The following FHIT variants were observed in gnomAD, a reference collection of about 807,000 sequenced individuals.
FHIT encodes the protein bis(5'-adenosyl)-triphosphatase.
In FHIT, 19 loss-of-function variants were observed where a neutral mutation model predicts 17.9. The ratio of observed to expected loss-of-function variants is 1.06; its 90% confidence interval spans 0.74 to 1.56. FHIT has a LOEUF of 1.56. Ranked by LOEUF, FHIT falls within the 40% of genes most tolerant of loss-of-function variation. The pLI is 0.00. For missense variants in FHIT, 248 were observed against 189.2 expected (o/e 1.31, Z -1.82); for synonymous variants, 81 against 69.7 (o/e 1.16, Z -0.81).
chr3:60,986,566 A>G (rs1455035981), intron 3 of FHIT, among the ~76,000 whole-genome samples: 1 of 152,162 alleles, frequency 6.6e-6, no homozygotes, highest in Non-Finnish European at 1.5e-5. Flanking sequence ...CTTTCTACCT[A>G]ATTATGCTCC....
intron 5 of FHIT, among the ~76,000 whole-genome samples, chr3:60,086,373 G>C (rs1358780169): frequency 1.3e-5 from 2 of 152,108 alleles, no homozygotes; most frequent in African/African-American, 2.4e-5. Context: ...TCCACTCCTG[G>C]ATTCCCAAAA....
chr3:60,502,260 T>C (rs1408232764), intron 5 of FHIT, among the ~76,000 whole-genome samples: 1 of 152,068 alleles, frequency 6.6e-6, no homozygotes, highest in Admixed American at 6.6e-5. Flanking sequence ...CTGGGAAAGA[T>C]TACTAAGGCT....
chr3:60,016,642 T>C (rs1035871010), intron 5 of FHIT, among the ~76,000 whole-genome samples: 1 of 152,220 alleles, frequency 6.6e-6, no homozygotes, highest in African/African-American at 2.4e-5. Context: ...ATGAATGCTA[T>C]TGGTAGAAAT....
intron 5 of FHIT, among the ~76,000 whole-genome samples, chr3:60,015,840 T>A (rs1278890752): frequency 6.7e-6 from 1 of 149,428 alleles, no homozygotes; most frequent in African/African-American, 2.5e-5. Context: ...ATCAATGACA[T>A]CCAAAAATGT....
intron 3 of FHIT, among the ~76,000 whole-genome samples, chr3:61,024,014 T>C (rs2032600027): frequency 6.6e-6 from 1 of 152,114 alleles, no homozygotes; most frequent in African/African-American, 2.4e-5. Context: ...CTAATTAAAT[T>C]ATTCATACTA....
intron 4 of FHIT, among the ~76,000 whole-genome samples, chr3:60,656,030 A>T (rs17063746): frequency 6.6e-6 from 1 of 152,052 alleles, no homozygotes; most frequent in Non-Finnish European, 1.5e-5. Context: ...TCTGAGTTCA[A>T]TTACAATCCC....
Position 61,111,544 on chromosome 3 carries a change from A to G in FHIT, c.-163-69445T>C, listed in dbSNP as rs1177447592. On this transcript the variant is annotated intron_variant, in intron 2 of 9. Coordinates refer to ENST00000492590, the MANE Select transcript of FHIT (RefSeq NM_002012.4). ...CACGTGCATTTGCTGCGTGGAGGAA[A>G]GAATATATGGACAAATAAAAAAACA... Among the ~76,000 whole-genome samples, 5 of 152,224 alleles carry G rather than the reference A, an allele frequency of 3.3e-5. No individual in the cohort carries two copies. In the East Asian group the frequency reaches 9.6e-4, roughly 29 times the overall value.
intron 5 of FHIT, among the ~76,000 whole-genome samples, chr3:60,197,929 C>G (rs574043192): frequency 3.9e-5 from 6 of 152,258 alleles, no homozygotes; most frequent in African/African-American, 1.4e-4. Flanking sequence ...GAGGAAGATT[C>G]TTACTGCAGG....
At chr3:60,855,695 G>C (rs1416204394) in intron 3 of FHIT, among the ~76,000 whole-genome samples, 2 of 152,114 alleles carry the variant, frequency 1.3e-5, no homozygotes, top group African/African-American at 4.8e-5. Flanking sequence ...TATGGGCCAA[G>C]AGTATATTCA....
intron 4 of FHIT, among the ~76,000 whole-genome samples, chr3:60,759,271 G>T (rs1457273330): frequency 6.6e-6 from 1 of 152,160 alleles, no homozygotes; most frequent in Non-Finnish European, 1.5e-5. Flanking sequence ...AGGTGGCAAG[G>T]ATAGAAATAG....
At chr3:61,066,936 C>T (rs1025595243) in intron 2 of FHIT, among the ~76,000 whole-genome samples, 1 of 152,212 alleles carries the variant, frequency 6.6e-6, no homozygotes, top group Non-Finnish European at 1.5e-5. Context: ...AACTGTCCAT[C>T]TGATAGAAGG....
In FHIT at chr3:60,016,530, G is replaced by A. The variant is rs147548622; in HGVS notation, c.104-2378C>T. On this transcript the variant is annotated intron_variant, in intron 5 of 9. Coordinates refer to ENST00000492590, the MANE Select transcript of FHIT (RefSeq NM_002012.4). ...AGTCCAGGGTCTATGCTGGAACTTA[G>A]GATGCTAAGATGACCAGGACAGAGT... is the stretch of plus-strand genomic sequence containing the variant. Among the ~76,000 whole-genome samples, 12 of 152,300 alleles carry A rather than the reference G, an allele frequency of 7.9e-5. No homozygotes were observed. In the East Asian group the frequency reaches 2.3e-3, roughly 29 times the overall value.
At chr3:60,740,997 C>T (rs914156535) in intron 4 of FHIT, among the ~76,000 whole-genome samples, 3 of 152,178 alleles carry the variant, frequency 2.0e-5, no homozygotes, top group Non-Finnish European at 2.9e-5. Flanking sequence ...GAAGCATTCA[C>T]TCTACTCCTC....
intron 5 of FHIT, among the ~76,000 whole-genome samples, chr3:60,121,523 C>T (rs530223541): frequency 2.6e-5 from 4 of 151,890 alleles, no homozygotes; most frequent in Non-Finnish European, 5.9e-5. Flanking sequence ...CCATCTCTAC[C>T]AAACATAAAA....
intron 5 of FHIT, among the ~76,000 whole-genome samples, chr3:60,430,772 C>A (rs114717735): frequency 2.6e-5 from 4 of 152,070 alleles, no homozygotes; most frequent in Admixed American, 6.5e-5. Context: ...ATGTAAGGTT[C>A]GATGTACTCT....
At chr3:60,706,714 T>G (rs2041381952) in intron 4 of FHIT, among the ~76,000 whole-genome samples, 2 of 152,196 alleles carry the variant, frequency 1.3e-5, no homozygotes, top group Non-Finnish European at 1.5e-5. Flanking sequence ...CACAATATAT[T>G]CTTGCATCCC....
At chr3:59,927,358 C>G (rs899999998) in intron 7 of FHIT, among the ~76,000 whole-genome samples, 1 of 151,460 alleles carries the variant, frequency 6.6e-6, no homozygotes, top group Non-Finnish European at 1.5e-5. Flanking sequence ...AATTATATAG[C>G]AGTGATGGTT....
At chr3:59,796,618 G>T (rs1456963327) in intron 8 of FHIT, among the ~76,000 whole-genome samples, 1 of 152,210 alleles carries the variant, frequency 6.6e-6, no homozygotes, top group Non-Finnish European at 1.5e-5. Context: ...AGATTCATGT[G>T]TATGTGTCTA....
Position 60,004,951 on chromosome 3 carries a change from A to G in FHIT, c.279+6420T>C, listed in dbSNP as rs1360612319. On this transcript the variant is annotated intron_variant, in intron 7 of 9. Coordinates refer to ENST00000492590, the MANE Select transcript of FHIT (RefSeq NM_002012.4). Reference sequence around the variant, plus strand: ...CCTCACAACACTCCCAAGAGACAGGATACTCTTAAGACCTCCATTTTCTAA... The same window carrying G: ...CCTCACAACACTCCCAAGAGACAGGGTACTCTTAAGACCTCCATTTTCTAA... Among the ~76,000 whole-genome samples the G allele has an allele frequency of 2.6e-5, 4 of 152,182 alleles. No homozygotes were observed. In the South Asian group the frequency reaches 6.2e-4, roughly 24 times the overall value.
Sources: allele counts gnomAD v4.1 joint callset (sites outside exome capture counted in the v4.1 genomes callset), GRCh38; gene constraint gnomAD v4.1.1; transcripts MANE v1.5; gene names NCBI Gene and HGNC (gene_info 2026-07-23, HGNC 2026-07-21).